RBFOX2: variants seen among roughly 807,000 people sequenced by gnomAD.
The protein encoded by RBFOX2 is RNA binding fox-1 homolog 2.
A neutral mutation model predicts 49.1 loss-of-function variants in RBFOX2; 10 were observed. The ratio of observed to expected loss-of-function variants is 0.20; its 90% CI spans 0.13 to 0.35. RBFOX2 has a LOEUF of 0.35. Among genes scored for constraint, RBFOX2 ranks in the 10% least tolerant of loss-of-function variants. The probability of loss-of-function intolerance (pLI) is 1.00; values close to 1 mark genes in which losing one functional copy is unlikely to be tolerated. For synonymous variants in RBFOX2, 183 were observed against 187.4 expected (o/e 0.98, Z 0.19); for missense variants, 323 against 486.9 (o/e 0.66, Z 3.17).
intron 2 of RBFOX2, among the ~76,000 whole-genome samples, chr22:35,797,985 G>GT (rs1320064679): frequency 3.3e-5 from 5 of 151,994 alleles, no homozygotes; most frequent in African/African-American, 1.2e-4. Context: ...TTCTTTTCTT[G>GT]TTTTTTTGAG....
intron 4 of RBFOX2, among the ~76,000 whole-genome samples, 199 bp from the exon 6 acceptor site, chr22:35,768,548 T>G (rs916291868): frequency 1.3e-5 from 2 of 152,036 alleles, no homozygotes; most frequent in African/African-American, 4.8e-5. Flanking sequence ...AGAACTGTAA[T>G]AATAATAATA....
intron 1 of RBFOX2, among the ~76,000 whole-genome samples, chr22:35,888,186 A>T (rs2046820717): frequency 6.6e-6 from 1 of 152,190 alleles, no homozygotes; most frequent in Non-Finnish European, 1.5e-5. Flanking sequence ...CTGACTCGCC[A>T]CCACATACAT....
intron 1 of RBFOX2, among the ~76,000 whole-genome samples, chr22:35,949,550 A>C (rs1348509636): frequency 6.6e-6 from 1 of 152,258 alleles, no homozygotes; most frequent in Non-Finnish European, 1.5e-5. Flanking sequence ...ATCTCTCCGT[A>C]TTCTTACTTA....
At chr22:35,835,248 CAAT>C (rs1327656920) in intron 1 of RBFOX2, among the ~76,000 whole-genome samples, 1 of 151,942 alleles carries the variant, frequency 6.6e-6, no homozygotes, top group Non-Finnish European at 1.5e-5. Context: ...TGTGGGATAC[CAAT>C]AATGTCAGAT....
intron 1 of RBFOX2, among the ~76,000 whole-genome samples, chr22:35,829,455 G>A (rs992211921): frequency 6.6e-6 from 1 of 151,828 alleles, no homozygotes; most frequent in Non-Finnish European, 1.5e-5. Flanking sequence ...TATAATCTGA[G>A]ATTTAAAAAA....
chr22:36,013,775 T>C (rs570807239), intron 1 of RBFOX2, among the ~76,000 whole-genome samples: 2 of 152,186 alleles, frequency 1.3e-5, no homozygotes, highest in South Asian at 4.1e-4. Flanking sequence ...AGTATGCTAA[T>C]ATTTGTGTCA....
intron 1 of RBFOX2, among the ~76,000 whole-genome samples, chr22:36,007,874 TATGA>T (rs1469165892): frequency 6.6e-6 from 1 of 152,234 alleles, no homozygotes. Context: ...TATTCCACTG[TATGA>T]ATGTACCTTT....
chr22:35,796,538 A>T (rs1305925668), intron 2 of RBFOX2, among the ~76,000 whole-genome samples: 1 of 152,196 alleles, frequency 6.6e-6, no homozygotes, highest in Non-Finnish European at 1.5e-5. Context: ...AAAACTGTGG[A>T]GTCTTCTTTG....
At chr22:35,787,093 G>A (rs924302389) in intron 2 of RBFOX2, among the ~76,000 whole-genome samples, 3 of 152,144 alleles carry the variant, frequency 2.0e-5, no homozygotes, top group African/African-American at 4.8e-5. Flanking sequence ...AGGCTGGAGT[G>A]CAGTGTGGCA....
At chr22:35,972,472 A>T (rs2150017571) in intron 1 of RBFOX2, among the ~76,000 whole-genome samples, 1 of 151,812 alleles carries the variant, frequency 6.6e-6, no homozygotes, top group South Asian at 2.1e-4. Context: ...GTACTGTGGT[A>T]AATGTCTAGC....
exon 3 of RBFOX2, chr22:35,781,651 G>A: frequency 6.2e-7 from 1 of 1,614,174 alleles, no homozygotes; most frequent in South Asian, 1.1e-5. Context: ...GAATATTAGA[G>A]ACATGCAGCC....
intron 1 of RBFOX2, among the ~76,000 whole-genome samples, chr22:35,871,058 A>C (rs1404616106): frequency 1.3e-5 from 2 of 152,200 alleles, no homozygotes; most frequent in Non-Finnish European, 2.9e-5. Flanking sequence ...TCTTCATGCC[A>C]GCTGGCTCCT....
intron 1 of RBFOX2, among the ~76,000 whole-genome samples, chr22:35,984,264 C>T (rs1423718356): frequency 6.6e-6 from 1 of 152,192 alleles, no homozygotes; most frequent in Non-Finnish European, 1.5e-5. Context: ...TAGGGTATGG[C>T]CTAAGCACTG....
intron 4 of RBFOX2, among the ~76,000 whole-genome samples, chr22:35,777,435 T>C (rs909923316): frequency 3.3e-5 from 5 of 152,326 alleles, no homozygotes; most frequent in African/African-American, 9.6e-5. Context: ...ACTAACTCAC[T>C]GTATTTGTGA....
intron 1 of RBFOX2, among the ~76,000 whole-genome samples, chr22:35,925,799 G>A (rs544988120): frequency 6.6e-6 from 1 of 152,286 alleles, no homozygotes; most frequent in Non-Finnish European, 1.5e-5. Context: ...CCATATCACA[G>A]AAGGCTTAGG....
chr22:35,847,652 ATTG>A (rs1341351437), intron 1 of RBFOX2, among the ~76,000 whole-genome samples: 2 of 152,110 alleles, frequency 1.3e-5, no homozygotes, highest in Non-Finnish European at 2.9e-5. Context: ...TCAATTTAAA[ATTG>A]TTTTTTTTTA....
upstream of RBFOX2, among the ~76,000 whole-genome samples, chr22:35,965,935 T>C (rs1047169280): frequency 3.3e-5 from 5 of 152,218 alleles, no homozygotes; most frequent in Middle Eastern, 3.4e-3. Flanking sequence ...CATAACTCAA[T>C]GAATTTTCAC....
exon 12 of RBFOX2, chr22:35,743,137 T>C (rs942815355): frequency 6.6e-6 from 1 of 152,468 alleles, no homozygotes; most frequent in Admixed American, 6.5e-5. Flanking sequence ...TTTTAAACTT[T>C]GTACTTTCTG....
chr22:35,779,127 G>A (rs1944573147), intron 3 of RBFOX2, among the ~76,000 whole-genome samples: 1 of 152,142 alleles, frequency 6.6e-6, no homozygotes. Context: ...AAACTCTACT[G>A]TTAGGTAGCT....
Sources: gnomAD v4.1 joint callset for allele counts (sites outside exome capture counted in the v4.1 genomes callset) on GRCh38, gnomAD v4.1.1 for gene constraint, MANE v1.5 for transcripts, NCBI Gene and HGNC (gene_info 2026-07-23, HGNC 2026-07-21) for gene names.